RPA3: variants seen among roughly 807,000 people sequenced by gnomAD.
RPA3 encodes the protein replication protein A3.
Under a neutral mutation model 13.7 loss-of-function variants are expected in RPA3, and 24 were observed. The ratio of observed to expected loss-of-function variants is 1.75; its 90% CI spans 1.27 to 2.46. The LOEUF (loss-of-function observed/expected upper bound fraction) is 2.46, where lower values mean the gene tolerates loss of function less well. RPA3 is among the 30% of genes most tolerant of loss of function. The probability of loss-of-function intolerance (pLI) is 0.00; values close to 1 mark genes in which losing one functional copy is unlikely to be tolerated. For synonymous variants in RPA3, 59 were observed against 51.2 expected (o/e 1.15, Z -0.65); for missense variants, 183 against 151.0 (o/e 1.21, Z -1.11).
At chr7:7,711,608 G>A (rs139079904) in intron 2 of RPA3, among the ~76,000 whole-genome samples, 23 of 152,084 alleles carry the variant, frequency 1.5e-4, no homozygotes, top group African/African-American at 5.3e-4. Flanking sequence ...TAATGGAATT[G>A]GACATTTTTA....
intron 4 of RPA3, among the ~76,000 whole-genome samples, chr7:7,663,969 C>G (rs373879662): frequency 5.9e-4 from 90 of 152,286 alleles, no homozygotes; most frequent in African/African-American, 2.0e-3. Context: ...TTTCCTTCTA[C>G]TGATTAGATT....
At chr7:7,710,304 T>C (rs1343462087) in intron 2 of RPA3, among the ~76,000 whole-genome samples, 1 of 152,002 alleles carries the variant, frequency 6.6e-6, no homozygotes. Flanking sequence ...TATGCAAAAA[T>C]TGCCCAAAAT....
chr7:7,663,318 G>A (rs952701972), intron 4 of RPA3, among the ~76,000 whole-genome samples: 1 of 133,400 alleles, frequency 7.5e-6, no homozygotes, highest in African/African-American at 2.8e-5. Context: ...TTAAAAGTCT[G>A]AGCATAAATA....
intron 4 of RPA3, chr7:7,641,572 G>A (rs890939168): frequency 6.6e-5 from 10 of 152,222 alleles, no homozygotes; most frequent in African/African-American, 2.2e-4. Flanking sequence ...GCGATCTGGA[G>A]GTCTGGAAGA....
At chr7:7,661,211 C>T (rs1051843286) in intron 4 of RPA3, among the ~76,000 whole-genome samples, 1 of 152,146 alleles carries the variant, frequency 6.6e-6, no homozygotes, top group Non-Finnish European at 1.5e-5. Context: ...GTTAGCAATT[C>T]ATCTAACCTT....
At chr7:7,647,228 A>G (rs1034598049) in intron 4 of RPA3, among the ~76,000 whole-genome samples, 1 of 152,156 alleles carries the variant, frequency 6.6e-6, no homozygotes, top group African/African-American at 2.4e-5. Context: ...AGTTTTCAGC[A>G]TATTTCTTTT....
intron 2 of RPA3, among the ~76,000 whole-genome samples, chr7:7,697,411 C>T (rs1780347445): frequency 1.3e-5 from 2 of 152,168 alleles, no homozygotes; most frequent in Non-Finnish European, 2.9e-5. Flanking sequence ...CATTTTATTT[C>T]ATTTCCTGTA....
chr7:7,694,038 A>G (rs1780244853), intron 2 of RPA3, among the ~76,000 whole-genome samples: 1 of 152,116 alleles, frequency 6.6e-6, no homozygotes, highest in Non-Finnish European at 1.5e-5. Flanking sequence ...TTTTCAACTG[A>G]GTCATTAGAC....
At chr7:7,698,434 G>A (rs991594715) in intron 2 of RPA3, among the ~76,000 whole-genome samples, 1 of 152,210 alleles carries the variant, frequency 6.6e-6, no homozygotes, top group African/African-American at 2.4e-5. Flanking sequence ...GACTTTCAGT[G>A]TTTTTACAGC....
rs146286103 is a variant in RPA3 at position 7,647,457 on chromosome 7, G to A, written c.-757-6282C>T. Among the ~76,000 whole-genome samples, 197 of 152,220 alleles carry A rather than the reference G, an allele frequency of 1.3e-3. 1 individual carries two copies. Among genetic ancestry groups the A allele is most frequent in the Non-Finnish European group, 1.5e-3 (100 of 68,000 alleles). On this transcript the variant is annotated intron_variant, in intron 4 of 7. Coordinates refer to ENST00000223129, the MANE Select transcript of RPA3 (RefSeq NM_002947.5). ...GCTTGGCAAAAAAATGTATTTTCCA[G>A]TTGTTGGATCCAGTGTGTAAATTGC...
intron 4 of RPA3, among the ~76,000 whole-genome samples, chr7:7,657,791 G>C (rs1301369728): frequency 6.6e-6 from 1 of 152,156 alleles, no homozygotes; most frequent in African/African-American, 2.4e-5. Flanking sequence ...TCTTGGCTAT[G>C]TGGGCTCTAT....
intron 2 of RPA3, among the ~76,000 whole-genome samples, chr7:7,695,652 G>A (rs1167738953): frequency 1.3e-5 from 2 of 152,040 alleles, no homozygotes; most frequent in Non-Finnish European, 2.9e-5. Context: ...TCACACCATG[G>A]CCCTGAATTA....
intron 4 of RPA3, among the ~76,000 whole-genome samples, chr7:7,644,489 T>C (rs12702629): frequency 0.16 from 23,855 of 152,174 alleles, 2,291 homozygotes; most frequent in Middle Eastern, 0.24. Flanking sequence ...AGGTATTCTA[T>C]TTTTCCTAAA....
chr7:7,654,435 T>C (rs950713332), intron 4 of RPA3, among the ~76,000 whole-genome samples: 2 of 152,220 alleles, frequency 1.3e-5, no homozygotes, highest in Non-Finnish European at 2.9e-5. Flanking sequence ...AGTACAGTTA[T>C]CCTTCGGTAT....
intron 4 of RPA3, among the ~76,000 whole-genome samples, chr7:7,668,571 CTTAGA>C (rs1484763829): frequency 6.6e-6 from 1 of 152,042 alleles, no homozygotes; most frequent in Non-Finnish European, 1.5e-5. Context: ...TGGATGGGTT[CTTAGA>C]AACTGACTTT....
At chr7:7,644,388 T>A (rs1785049134) in intron 4 of RPA3, among the ~76,000 whole-genome samples, 1 of 151,370 alleles carries the variant, frequency 6.6e-6, no homozygotes, top group African/African-American at 2.4e-5. Context: ...CCTCTTTTAA[T>A]ATAGTTAAAC....
intron 2 of RPA3, among the ~76,000 whole-genome samples, chr7:7,688,127 T>C (rs1780082504): frequency 1.3e-5 from 2 of 152,226 alleles, no homozygotes; most frequent in South Asian, 4.1e-4. Flanking sequence ...TGTAAAATTT[T>C]AGGTTTGTAT....
At chr7:7,699,880 A>G (rs1780414854) in intron 2 of RPA3, among the ~76,000 whole-genome samples, 1 of 152,238 alleles carries the variant, frequency 6.6e-6, no homozygotes, top group African/African-American at 2.4e-5. Context: ...TACTGTTTAT[A>G]TAAGTGGAAA....
intron 2 of RPA3, among the ~76,000 whole-genome samples, chr7:7,700,977 G>A (rs111384422): frequency 0.019 from 2,840 of 152,272 alleles, 87 homozygotes; most frequent in African/African-American, 0.065. Flanking sequence ...TTGAGCCCAG[G>A]AGTTTGAGGC....
Sources: gnomAD v4.1 joint callset for allele counts (sites outside exome capture counted in the v4.1 genomes callset) on GRCh38, gnomAD v4.1.1 for gene constraint, MANE v1.5 for transcripts, NCBI Gene and HGNC (gene_info 2026-07-23, HGNC 2026-07-21) for gene names.